The following EMCN variants were observed in gnomAD, a reference collection of about 807,000 sequenced individuals.
EMCN encodes the protein endomucin.
In EMCN, 37 loss-of-function variants were observed where a neutral mutation model predicts 38.4. That is an observed-to-expected ratio of 0.96 (90% CI 0.74 to 1.27). EMCN has a LOEUF of 1.27. EMCN is among the 50% of genes most tolerant of loss of function. The pLI is 0.00. For missense variants in EMCN, 318 were observed against 302.8 expected, an observed-to-expected ratio of 1.05 and a Z score of -0.37; for synonymous variants, 95 against 100.8, an observed-to-expected ratio of 0.94 and a Z score of 0.35.
chr4:100,516,523 T>A (rs545011862), intron 1 of EMCN, among the ~76,000 whole-genome samples: 34 of 152,190 alleles, frequency 2.2e-4, no homozygotes, highest in African/African-American at 8.2e-4. Flanking sequence ...TATAAGCTAA[T>A]GCAATAATTT....
At chr4:100,470,394 T>G (rs927264153) in intron 3 of EMCN, among the ~76,000 whole-genome samples, 5 of 111,048 alleles carry the variant, frequency 4.5e-5, no homozygotes, top group Non-Finnish European at 4.0e-5. Flanking sequence ...AAAAAACAGG[T>G]GCCAGTGAGG....
At position 100,414,348 on chromosome 4, in the gene EMCN, C is replaced by CTTTTT. The variant is rs5860622; in HGVS notation, c.751+1545_751+1549dup. On this transcript the variant is annotated intron_variant, in intron 10 of 11. Transcript: ENST00000296420. Reference sequence around the variant, plus strand: ...TGGTTCACATTAGGCTGCTTGAGCACTTTTTTTTTTTTTTTTTTTTTTTTT... The same window carrying CTTTTT: ...TGGTTCACATTAGGCTGCTTGAGCACTTTTTTTTTTTTTTTTTTTTTTTTTTTTTT... 4.3e-4 allele frequency among the ~76,000 whole-genome samples: 26 copies of CTTTTT among 59,800 alleles called. 4 individuals are homozygous for CTTTTT. The highest frequency in any genetic ancestry group is 1.4e-3 in the African/African-American group (21 of 14,760). 39.2% of individuals were successfully genotyped at this position (59,800 alleles called of 152,430 possible).
intron 3 of EMCN, among the ~76,000 whole-genome samples, chr4:100,472,675 T>C (rs976384383): frequency 5.3e-5 from 8 of 151,980 alleles, no homozygotes; most frequent in Admixed American, 2.0e-4. Context: ...GCCAAAACAA[T>C]CTTGGATAAA....
At chr4:100,419,347 T>C (rs1300819247) in intron 8 of EMCN, among the ~76,000 whole-genome samples, 1 of 152,110 alleles carries the variant, frequency 6.6e-6, no homozygotes, top group Non-Finnish European at 1.5e-5. Context: ...ATGGTGCTAA[T>C]TTAATGATAA....
rs76936067 is a variant in EMCN, at chr4:100,403,414, C to T, written c.*40-5041G>A. On this transcript the variant is annotated intron_variant, in intron 11 of 11. Transcript: ENST00000296420. ...GCTGCATAGTATTCCACAGTGTATG[C>T]GTACCACATTTTCTTTATCTAGTCC... Among the ~76,000 whole-genome samples the T allele has an allele frequency of 3.7e-3, 564 of 150,982 alleles. 7 individuals carry two copies. Among genetic ancestry groups the T allele is most frequent in the African/African-American group, 0.013 (525 of 41,048 alleles).
Position 100,487,940 on chromosome 4 carries a change from G to A in EMCN, c.65-7901C>T, listed in dbSNP as rs117303770. 3.9e-5 allele frequency among the ~76,000 whole-genome samples: 6 copies of A among 152,212 alleles called. No individual in the cohort carries two copies. The East Asian group carries it at 1.2e-3, about 29-fold the overall frequency. ...TACAATCTTAATTTGTAAAGTACTGGCTCTCCTGAGCATTTCTTTGGAGAC... is the reference window on the plus strand; with the variant it reads ...TACAATCTTAATTTGTAAAGTACTGACTCTCCTGAGCATTTCTTTGGAGAC... On this transcript the variant is annotated intron_variant, in intron 1 of 11. Coordinates refer to ENST00000296420, the MANE Select transcript of EMCN (RefSeq NM_016242.4).
chr4:100,441,689 C>T (rs1351580989), intron 5 of EMCN, among the ~76,000 whole-genome samples: 1 of 151,948 alleles, frequency 6.6e-6, no homozygotes, highest in African/African-American at 2.4e-5. Flanking sequence ...GTTGTGGTTA[C>T]CATGAATCTT....
rs1036517085 is a variant in EMCN, at chr4:100,446,131, A to G, written c.415+1402T>C. The G allele has an allele frequency of 4.1e-6, 4 of 985,124 alleles. No individual in the cohort carries two copies. The African/African-American group carries it at 5.2e-5, about 13-fold the overall frequency. The allele number at this position is 985,124 out of a possible 1,614,324, so 61.0% of individuals were successfully genotyped here. On this transcript the variant is annotated intron_variant, in intron 5 of 11. Transcript: ENST00000296420. ...AACTCTGACTTCTCCTTGATAGTCA[A>G]TCTGTGAAGCAGAGGGAAAAAAATC...
chr4:100,482,456 T>C (rs561750623), intron 1 of EMCN, among the ~76,000 whole-genome samples: 2 of 152,256 alleles, frequency 1.3e-5, no homozygotes, highest in East Asian at 3.9e-4. Context: ...CTGGCATGAA[T>C]AATGAATACT....
chr4:100,472,021 G>T (rs1334708248), intron 3 of EMCN, among the ~76,000 whole-genome samples: 2 of 151,874 alleles, frequency 1.3e-5, no homozygotes, highest in African/African-American at 4.8e-5. Context: ...TTAGAAACAA[G>T]ACAAGGATGT....
intron 11 of EMCN, among the ~76,000 whole-genome samples, chr4:100,402,300 A>G (rs1422949606): frequency 6.6e-6 from 1 of 152,170 alleles, no homozygotes. Flanking sequence ...TATATCTAAA[A>G]TCTTGTTTTG....
chr4:100,426,867 T>G (rs142082799), intron 5 of EMCN, among the ~76,000 whole-genome samples: 70 of 152,286 alleles, frequency 4.6e-4, no homozygotes, highest in African/African-American at 1.7e-3. Flanking sequence ...AGTTCTCTCC[T>G]AAGAATTTGA....
At chr4:100,401,927 G>A (rs1466028380) in intron 11 of EMCN, among the ~76,000 whole-genome samples, 1 of 152,088 alleles carries the variant, frequency 6.6e-6, no homozygotes, top group Admixed American at 6.6e-5. Flanking sequence ...GTTGGTCATA[G>A]AACAGTTAAA....
intron 4 of EMCN, among the ~76,000 whole-genome samples, chr4:100,455,728 T>G (rs1482992523): frequency 6.6e-6 from 1 of 152,116 alleles, no homozygotes; most frequent in Non-Finnish European, 1.5e-5. Flanking sequence ...TGGGGCTCTT[T>G]AAGTTACCTG....
At chr4:100,423,480 A>T in intron 5 of EMCN, 76 bp from the exon 6 acceptor site, 1 of 1,044,784 alleles carries the variant, frequency 9.6e-7, no homozygotes, top group Non-Finnish European at 1.5e-6. Flanking sequence ...AGATTCAAAC[A>T]GTTTGCTTTT....
chr4:100,469,795 G>T (rs756586294), intron 3 of EMCN, among the ~76,000 whole-genome samples: 14 of 151,932 alleles, frequency 9.2e-5, no homozygotes, highest in Non-Finnish European at 1.5e-4. Context: ...TATGGTTACT[G>T]TAGCCCAGTA....
chr4:100,487,126 T>C (rs916572125), intron 1 of EMCN: 2 of 518,312 alleles, frequency 3.9e-6, no homozygotes, highest in African/African-American at 4.2e-5. Context: ...CTTCAGACAC[T>C]TGTCCTGAGA....
At chr4:100,450,901 G>A (rs567990319) in intron 4 of EMCN, among the ~76,000 whole-genome samples, 52 of 151,962 alleles carry the variant, frequency 3.4e-4, no homozygotes, top group Middle Eastern at 3.4e-3. Flanking sequence ...GTACTGGAAA[G>A]CAGCATTAAA....
chr4:100,427,535 C>T lies in EMCN; in HGVS notation c.416-4131G>A, dbSNP rs1356996254. Among the ~76,000 whole-genome samples the T allele has an allele frequency of 3.3e-5, 5 of 151,676 alleles. No individual in the cohort carries two copies. In the South Asian group the frequency reaches 6.3e-4, roughly 19 times the overall value. On this transcript the variant is annotated intron_variant, in intron 5 of 11. Transcript: ENST00000296420. Reference sequence around the variant, plus strand: ...CTCCTGACCTCAAGTGATCTTCCCACCTCAGCCTCTCAAAGAGCTGGGATT... The same window carrying T: ...CTCCTGACCTCAAGTGATCTTCCCATCTCAGCCTCTCAAAGAGCTGGGATT...
Sources: gnomAD v4.1 joint callset for allele counts (sites outside exome capture counted in the v4.1 genomes callset) on GRCh38, gnomAD v4.1.1 for gene constraint, MANE v1.5 for transcripts, NCBI Gene and HGNC (gene_info 2026-07-23, HGNC 2026-07-21) for gene names.